The following CCDC149 variants were observed in gnomAD, a reference collection of about 807,000 sequenced individuals.
The protein encoded by CCDC149 is coiled-coil domain containing 149, also known as coiled-coil domain-containing protein 149.
A neutral mutation model predicts 59.9 loss-of-function variants in CCDC149; 45 were observed. That is an observed-to-expected ratio of 0.75 (90% CI 0.59 to 0.96). The LOEUF (loss-of-function observed/expected upper bound fraction) is 0.96, where lower values mean the gene tolerates loss of function less well. Ranked by LOEUF, CCDC149 falls within the 40% of genes least tolerant of loss-of-function variation. The pLI, the probability that CCDC149 is intolerant of heterozygous loss-of-function variation, is 0.00. For missense variants in CCDC149, 584 were observed against 664.7 expected (o/e 0.88, Z 1.33); for synonymous variants, 245 against 260.6 (o/e 0.94, Z 0.58).
In CCDC149 at chr4:24,808,531, G is replaced by A. The variant is rs1438102007; in HGVS notation, c.1481C>T (p.Pro494Leu). The A allele has an allele frequency of 1.9e-6, 3 of 1,544,112 alleles. No individual in the cohort carries two copies. Among genetic ancestry groups the A allele is most frequent in the South Asian group, 1.2e-5 (1 of 82,860 alleles). Residue 494 changes from proline to leucine, a missense_variant, in exon 13 of 13, where the codon CCA becomes CTA. By Grantham distance (98) the Pro-to-Leu change is moderately conservative. Coordinates refer to ENST00000635206, the MANE Select transcript of CCDC149 (RefSeq NM_001330643.2). ...GAGCTCCCCCTGGATGGCCAGGCCT[G>A]GCGGGGCTGGCCCCGTCTCACTCCT... is the stretch of plus-strand genomic sequence containing the variant.
At chr4:24,831,735 T>A in intron 8 of CCDC149, 85 bp from the exon 9 acceptor site, 1 of 1,242,098 alleles carries the variant, frequency 8.1e-7, no homozygotes, top group Non-Finnish European at 1.1e-6. Flanking sequence ...TCTTGGATAA[T>A]GATATGTCCC....
intron 1 of CCDC149, among the ~76,000 whole-genome samples, chr4:24,971,526 C>A (rs967005169): frequency 2.6e-5 from 4 of 152,216 alleles, no homozygotes; most frequent in Admixed American, 1.3e-4. Context: ...TGGCTTGGAG[C>A]CACTATTGTC....
chr4:24,875,317 G>A (rs1173060621), intron 2 of CCDC149, among the ~76,000 whole-genome samples: 8 of 148,868 alleles, frequency 5.4e-5, no homozygotes, highest in Admixed American at 2.0e-4. Flanking sequence ...GCCACAGAGC[G>A]AGAATCCGTC....
At position 24,933,844 on chromosome 4, in the gene CCDC149, G is replaced by T. The variant is rs539530499; in HGVS notation, c.-64-38726C>A. ...TGACATTAATTTTTCAGGATTGTGG[G>T]TTAGAAATTTGGGGAGGGCTCAGCT... is the stretch of plus-strand genomic sequence containing the variant. On this transcript the variant is annotated intron_variant, in intron 1 of 12. Coordinates refer to the CCDC149 transcript ENST00000389609. Among the ~76,000 whole-genome samples the T allele has an allele frequency of 5.1e-4, 78 of 152,334 alleles. 4 individuals carry two copies. In the South Asian group the frequency reaches 0.016, roughly 30 times the overall value.
chr4:24,809,129 C>A lies in CCDC149; in HGVS notation c.1193-310G>T, dbSNP rs531425265. On this transcript the variant is annotated intron_variant, in intron 12 of 12. Transcript: ENST00000635206. ...CATTCTCTAATGGCCGCTCCTTGTG[C>A]CCATTAAATATTTAAATTGAGGACA... 6.6e-5 allele frequency among the ~76,000 whole-genome samples: 10 copies of A among 152,264 alleles called. No individual in the cohort carries two copies. In the East Asian group the frequency reaches 1.9e-3, roughly 29 times the overall value.
intron 1 of CCDC149, among the ~76,000 whole-genome samples, chr4:24,896,286 G>A (rs1720841495): frequency 6.6e-6 from 1 of 152,196 alleles, no homozygotes; most frequent in Non-Finnish European, 1.5e-5. Context: ...GGGGGGTAAG[G>A]TGACTACATC....
rs184114305 is a variant in CCDC149, at chr4:24,908,631, T to C, written c.63+4186A>G. On this transcript the variant is annotated intron_variant, in intron 1 of 12. Coordinates refer to ENST00000635206, the MANE Select transcript of CCDC149 (RefSeq NM_001330643.2). ...AGGAGAATCCCTTGGGCCCAGGAGA[T>C]GGAGGCTGAAGTGAGCCATGATCGC... is the stretch of plus-strand genomic sequence containing the variant. 5.3e-5 allele frequency among the ~76,000 whole-genome samples: 8 copies of C among 151,926 alleles called. No individual in the cohort carries two copies. The East Asian group carries it at 1.4e-3, about 26-fold the overall frequency.
intron 1 of CCDC149, among the ~76,000 whole-genome samples, chr4:24,889,845 A>C: frequency 6.6e-6 from 1 of 152,122 alleles, no homozygotes; most frequent in Non-Finnish European, 1.5e-5. Context: ...CCTAAAAAAT[A>C]CCCTAACACC....
chr4:24,836,557 A>G (rs1289787844), intron 6 of CCDC149, 49 bp from the exon 7 acceptor site: 1 of 1,258,822 alleles, frequency 7.9e-7, no homozygotes, highest in Non-Finnish European at 1.2e-6. Flanking sequence ...CTAAATAAAA[A>G]ACACACACTG....
At position 24,819,905 on chromosome 4, in the gene CCDC149, CA is replaced by C; in HGVS notation, c.1145del (p.Leu382ArgfsTer34). On this transcript the variant is annotated frameshift_variant, in exon 12 of 13. Coordinates refer to ENST00000635206, the MANE Select transcript of CCDC149 (RefSeq NM_001330643.2). LOFTEE classifies it low-confidence loss of function (END_TRUNC). ...TCTCAGTGGGCTGCTCGACAAACTT[CA>C]GCAGTGGGGATCTCGACCTCTGTCC... 6.4e-7 allele frequency: 1 copy of C among 1,551,694 alleles called. No homozygotes were observed. Among genetic ancestry groups the C allele is most frequent in the South Asian group, 1.2e-5 (1 of 84,048 alleles).
At chr4:24,950,258 C>T (rs2109354108) in intron 1 of CCDC149, among the ~76,000 whole-genome samples, 1 of 152,324 alleles carries the variant, frequency 6.6e-6, no homozygotes, top group Middle Eastern at 3.4e-3. Context: ...CCAGTCTTTG[C>T]CACTTGCTGC....
intron 4 of CCDC149, among the ~76,000 whole-genome samples, chr4:24,846,488 T>C (rs1717296664): frequency 6.6e-6 from 1 of 152,182 alleles, no homozygotes; most frequent in African/African-American, 2.4e-5. Context: ...ATGACAAACA[T>C]CCACAGCTGA....
intron 2 of CCDC149, among the ~76,000 whole-genome samples, chr4:24,874,798 T>C (rs895986396): frequency 6.6e-6 from 1 of 152,168 alleles, no homozygotes; most frequent in Non-Finnish European, 1.5e-5. Flanking sequence ...TAGTTAAATG[T>C]CAGTAATAGT....
chr4:24,847,227 G>C (rs1345545075), intron 4 of CCDC149, among the ~76,000 whole-genome samples: 1 of 152,166 alleles, frequency 6.6e-6, no homozygotes, highest in Non-Finnish European at 1.5e-5. Context: ...TGGAATTCTT[G>C]CACAAGTGGA....
At chr4:24,836,297 A>G in intron 7 of CCDC149, 139 bp downstream of exon 7, 1 of 667,770 alleles carries the variant, frequency 1.5e-6, no homozygotes. Flanking sequence ...TGGTTACCCC[A>G]GTTAAAGCTC....
At chr4:24,956,903 C>T (rs572229606) in intron 1 of CCDC149, among the ~76,000 whole-genome samples, 4 of 152,254 alleles carry the variant, frequency 2.6e-5, no homozygotes, top group Admixed American at 2.0e-4. Context: ...TGAATGGGGC[C>T]CAGAGCATGA....
At chr4:24,833,860 A>G (rs1716326952) in intron 8 of CCDC149, among the ~76,000 whole-genome samples, 1 of 152,184 alleles carries the variant, frequency 6.6e-6, no homozygotes, top group Non-Finnish European at 1.5e-5. Flanking sequence ...GATTTTGTTT[A>G]CTAATACCAA....
chr4:24,945,473 G>C (rs1287271502), intron 1 of CCDC149, among the ~76,000 whole-genome samples: 1 of 152,150 alleles, frequency 6.6e-6, no homozygotes, highest in Non-Finnish European at 1.5e-5. Context: ...GAACTAGGAA[G>C]AGGCAAGAAA....
chr4:24,960,243 C>T (rs1470694679), intron 1 of CCDC149, among the ~76,000 whole-genome samples: 4 of 151,716 alleles, frequency 2.6e-5, no homozygotes, highest in African/African-American at 9.7e-5. Flanking sequence ...ACTCCTAAAA[C>T]AAAAAAGATA....
Sources: allele counts gnomAD v4.1 joint callset (sites outside exome capture counted in the v4.1 genomes callset), GRCh38; gene constraint gnomAD v4.1.1; transcripts MANE v1.5; gene names NCBI Gene and HGNC (gene_info 2026-07-23, HGNC 2026-07-21).